RAB27B: variants seen among roughly 807,000 people sequenced by gnomAD.
The protein encoded by RAB27B is ras-related protein Rab-27B.
A neutral mutation model predicts 24.6 loss-of-function variants in RAB27B; 15 were observed. The ratio of observed to expected loss-of-function variants is 0.61; its 90% confidence interval spans 0.41 to 0.94. RAB27B has a LOEUF of 0.94. RAB27B is among the 40% of genes least tolerant of loss of function. RAB27B has a pLI of 0.00. For missense variants in RAB27B, 261 were observed against 266.8 expected, an observed-to-expected ratio of 0.98 and a Z score of 0.15; for synonymous variants, 105 against 92.5, an observed-to-expected ratio of 1.14 and a Z score of -0.78.
chr18:54,756,120 C>G (rs1009266596), intron 2 of RAB27B, among the ~76,000 whole-genome samples: 14 of 152,162 alleles, frequency 9.2e-5, no homozygotes, highest in African/African-American at 3.4e-4. Context: ...TATCGACCTA[C>G]TGAAAAAGTA....
Position 54,722,012 on chromosome 18 carries a change from G to A in RAB27B, c.-20+3871G>A, listed in dbSNP as rs576014410. Among the ~76,000 whole-genome samples, 96 of 152,266 alleles carry A rather than the reference G, an allele frequency of 6.3e-4. 1 individual carries two copies. The highest frequency in any genetic ancestry group is 1.0e-3 in the Non-Finnish European group (70 of 68,022). ...CTTGAGAAATTTACCCTTGGAGCCC[G>A]TTTCATAAAACGTTATAGAATTTTG... On this transcript the variant is annotated intron_variant, in intron 2 of 4. Transcript: ENST00000586570.
chr18:54,878,864 A>G lies in RAB27B; in HGVS notation c.154-505A>G, dbSNP rs1373042061. 2.6e-5 allele frequency among the ~76,000 whole-genome samples: 4 copies of G among 152,174 alleles called. No homozygotes were observed. The East Asian group carries it at 5.8e-4, about 22-fold the overall frequency. Reference sequence around the variant, plus strand: ...TATTGAGAAAGTCTGTGCATATTTCATGGCTAAGTCATTTTGAAAGTCCAT... The same window carrying G: ...TATTGAGAAAGTCTGTGCATATTTCGTGGCTAAGTCATTTTGAAAGTCCAT... On this transcript the variant is annotated intron_variant, in intron 2 of 5. Transcript: ENST00000262094.
intron 1 of RAB27B, among the ~76,000 whole-genome samples, chr18:54,831,916 C>T (rs1910695672): frequency 6.6e-6 from 1 of 152,116 alleles, no homozygotes. Flanking sequence ...GCTGGGACTA[C>T]AGGCATGCAC....
intron 3 of RAB27B, among the ~76,000 whole-genome samples, chr18:54,883,313 ATGT>A (rs1913001923): frequency 6.6e-6 from 1 of 152,136 alleles, no homozygotes; most frequent in Admixed American, 6.6e-5. Context: ...TATCCAGTCA[ATGT>A]ATATAGAGTA....
chr18:54,723,958 G>A (rs1395416926), intron 2 of RAB27B, among the ~76,000 whole-genome samples: 4 of 152,164 alleles, frequency 2.6e-5, no homozygotes, highest in East Asian at 3.8e-4. Flanking sequence ...TTGCAAAGAC[G>A]AGACTATAAT....
chr18:54,805,271 C>T (rs1312380531), intron 2 of RAB27B, among the ~76,000 whole-genome samples: 2 of 152,086 alleles, frequency 1.3e-5, no homozygotes, highest in African/African-American at 4.8e-5. Context: ...CTCTCGTAGA[C>T]TAAGGGGTCA....
intron 1 of RAB27B, among the ~76,000 whole-genome samples, chr18:54,842,913 G>A (rs1396705160): frequency 6.6e-6 from 1 of 152,020 alleles, no homozygotes; most frequent in East Asian, 1.9e-4. Context: ...TCCCACCTCA[G>A]CCTCCCTAGT....
intron 1 of RAB27B, among the ~76,000 whole-genome samples, chr18:54,865,531 T>C (rs1267499852): frequency 1.3e-5 from 2 of 152,326 alleles, no homozygotes; most frequent in African/African-American, 4.8e-5. Context: ...TATTCTTCTT[T>C]TGGCTTAATA....
intron 2 of RAB27B, among the ~76,000 whole-genome samples, chr18:54,820,657 T>C (rs1001136938): frequency 3.9e-5 from 6 of 152,180 alleles, no homozygotes; most frequent in African/African-American, 1.2e-4. Context: ...TTTGTTGCCA[T>C]TGCTTTTGGT....
intron 2 of RAB27B, among the ~76,000 whole-genome samples, chr18:54,811,192 G>A (rs1909954094): frequency 6.6e-6 from 1 of 152,104 alleles, no homozygotes; most frequent in Non-Finnish European, 1.5e-5. Flanking sequence ...ACTACATAGA[G>A]ACTGTGAACT....
chr18:54,725,622 A>G (rs1909511624), intron 2 of RAB27B, among the ~76,000 whole-genome samples: 1 of 151,502 alleles, frequency 6.6e-6, no homozygotes, highest in African/African-American at 2.4e-5. Context: ...ACTTGCAGTC[A>G]TGGCAGAGGG....
chr18:54,819,180 ATAT>A (rs1458630045), intron 2 of RAB27B, among the ~76,000 whole-genome samples: 1 of 148,056 alleles, frequency 6.8e-6, no homozygotes, highest in Non-Finnish European at 1.5e-5. Context: ...TTATTAATGA[ATAT>A]TATATACTAT....
At chr18:54,801,008 G>GTTTTTTTTTTTTTTTT (rs11363761) in intron 2 of RAB27B, among the ~76,000 whole-genome samples, 4 of 93,096 alleles carry the variant, frequency 4.3e-5, no homozygotes, top group African/African-American at 1.7e-4. Flanking sequence ...TTGTTCCTGT[G>GTTTTTTTTTTTTTTTT]TTTTTTTTTT....
At chr18:54,791,871 G>A (rs968442919) in intron 2 of RAB27B, among the ~76,000 whole-genome samples, 1 of 152,192 alleles carries the variant, frequency 6.6e-6, no homozygotes, top group Non-Finnish European at 1.5e-5. Flanking sequence ...CAACCCGCGG[G>A]ACGAGGTGGA....
chr18:54,776,813 C>T (rs534039020), intron 2 of RAB27B, among the ~76,000 whole-genome samples: 5 of 152,180 alleles, frequency 3.3e-5, no homozygotes, highest in African/African-American at 4.8e-5. Context: ...AATCCCAGCA[C>T]TTTGGGAGGC....
At chr18:54,806,477 TATAA>T (rs1191921481) in intron 2 of RAB27B, among the ~76,000 whole-genome samples, 3 of 147,954 alleles carry the variant, frequency 2.0e-5, no homozygotes, top group Admixed American at 6.8e-5. Context: ...TAATGATATA[TATAA>T]ATAAATAAAT....
intron 2 of RAB27B, among the ~76,000 whole-genome samples, chr18:54,765,111 A>T (rs1419265695): frequency 6.6e-6 from 1 of 152,196 alleles, no homozygotes; most frequent in Non-Finnish European, 1.5e-5. Context: ...CAAGCAAAAA[A>T]AACCAAAAAG....
intron 2 of RAB27B, among the ~76,000 whole-genome samples, chr18:54,726,889 G>A (rs1366663725): frequency 7.0e-6 from 1 of 143,872 alleles, no homozygotes; most frequent in East Asian, 1.9e-4. Flanking sequence ...CAAGGATACA[G>A]CAGAATAAAT....
rs150370399 is a variant in RAB27B, at chr18:54,773,096, G to A, written c.-20+54955G>A. ...TCACCAATCCTTTTTTGGTTCATTT[G>A]GCAAAGGCCATCTCATATTTCTGTC... On this transcript the variant is annotated intron_variant, in intron 2 of 4. Transcript: ENST00000586570. Among the ~76,000 whole-genome samples, 23 of 151,032 alleles carry A rather than the reference G, an allele frequency of 1.5e-4. No homozygotes were observed. The East Asian group carries it at 4.1e-3, about 27-fold the overall frequency.
Sources: gnomAD v4.1 joint callset for allele counts (sites outside exome capture counted in the v4.1 genomes callset) on GRCh38, gnomAD v4.1.1 for gene constraint, MANE v1.5 for transcripts, NCBI Gene and HGNC (gene_info 2026-07-23, HGNC 2026-07-21) for gene names.